Variants in SMOX observed in about 807,000 individuals in gnomAD.
The protein encoded by SMOX is flavin containing amine oxidase.
In SMOX, 22 loss-of-function variants were observed where a neutral mutation model predicts 51.0. The observed-to-expected ratio is 0.43, with a 90% CI of 0.31 to 0.62. The LOEUF (loss-of-function observed/expected upper bound fraction) is 0.62. Ranked by LOEUF, SMOX falls within the 20% of genes least tolerant of loss-of-function variation. The pLI, the probability that SMOX is intolerant of heterozygous loss-of-function variation, is 0.10. For synonymous variants in SMOX, 282 were observed against 307.8 expected, an observed-to-expected ratio of 0.92 and a Z score of 0.88; for missense variants, 566 against 777.7, an observed-to-expected ratio of 0.73 and a Z score of 3.24.
rs774610964 is a variant in SMOX at position 4,182,649 on chromosome 20, C to T, written c.1170C>T (p.Asp390=). The T allele has an allele frequency of 1.8e-5, 29 of 1,613,904 alleles. No individual in the cohort carries two copies. Among genetic ancestry groups the T allele is most frequent in the African/African-American group, 5.3e-5 (4 of 74,874 alleles). Residue 390 remains aspartate, a synonymous_variant, in exon 5 of 7, where the codon GAC becomes GAT. Coordinates refer to ENST00000305958, the MANE Select transcript of SMOX (RefSeq NM_175839.3). This position sits in a 1 kb window ranked among gnomAD's most constrained non-coding sequence, Gnocchi z 8.4. ...ACAGCCTACAGTTTGTGTGGGAGGA[C>T]GAAGCAGAGAGCCACACCCTCACCT... ...ECNSLQFVWE[D]EAESHTLTYP...
Position 4,181,687 on chromosome 20 carries a change from C to A in SMOX, c.436-116C>A. The A allele has an allele frequency of 1.6e-6, 2 of 1,250,900 alleles. No homozygotes were observed. The highest frequency in any genetic ancestry group is 2.2e-6 in the Non-Finnish European group (2 of 892,018). The allele number at this position is 1,250,900 out of a possible 1,614,324, so 77.5% of individuals were successfully genotyped here. A position where few individuals can be genotyped will look rare whatever the true frequency, so the allele number is the denominator to read the frequency against. ...CATCGGATCCCTAAGGGACAGAGAC[C>A]AGGGGCTCAGTGCATCCAGGGGACA... On this transcript the variant is annotated intron_variant, in intron 3 of 6. Coordinates refer to ENST00000305958, the MANE Select transcript of SMOX (RefSeq NM_175839.3). This position sits in a 1 kb window ranked among gnomAD's most constrained non-coding sequence, Gnocchi z 5.6.
At chr20:4,169,940 G>A (rs990486670) in intron 1 of SMOX, among the ~76,000 whole-genome samples, 3 of 152,138 alleles carry the variant, frequency 2.0e-5, no homozygotes, top group African/African-American at 7.2e-5. Context: ...ATGTTTTGGC[G>A]GGGAGTTGTG....
chr20:4,187,548 C>A lies in SMOX; in HGVS notation c.*141C>A. On this transcript the variant is annotated 3_prime_UTR_variant, in exon 7 of 7. Transcript: ENST00000305958. The surrounding 1 kb of genome is among the most constrained non-coding windows in gnomAD (Gnocchi z 4.8). ...GCTAGCCGCCCTGACTGCCTTCAGA[C>A]CTGGCCCTGTAGCTTTTCTTTTTCT... 1.6e-6 allele frequency: 2 copies of A among 1,254,740 alleles called. No homozygotes were observed. The highest frequency in any genetic ancestry group is 2.2e-6 in the Non-Finnish European group (2 of 918,704). The allele number at this position is 1,254,740 out of a possible 1,614,324, so 77.7% of individuals were successfully genotyped here. A position where few individuals can be genotyped will look rare whatever the true frequency, so the allele number is the denominator to read the frequency against.
At position 4,153,920 on chromosome 20, in the gene SMOX, A is replaced by G. The variant is rs1985881040; in HGVS notation, c.-27+4943A>G. Among the ~76,000 whole-genome samples, 1 of 152,168 alleles carries G rather than the reference A, an allele frequency of 6.6e-6. No homozygotes were observed. Among genetic ancestry groups the G allele is most frequent in the Non-Finnish European group, 1.5e-5 (1 of 68,024 alleles). On this transcript the variant is annotated intron_variant, in intron 1 of 6. Transcript: ENST00000305958. The surrounding 1 kb of genome is among the most constrained non-coding windows in gnomAD (Gnocchi z 4.4). ...TTGTTAGCTGTGGTCAGCACCTGGCATCTCCTGTGCCCCAGCCTGGTGTTC... is the reference window on the plus strand; with the variant it reads ...TTGTTAGCTGTGGTCAGCACCTGGCGTCTCCTGTGCCCCAGCCTGGTGTTC...
rs150061281 is a variant in SMOX, at chr20:4,182,782, G to A, written c.1303G>A (p.Val435Ile). The A allele has an allele frequency of 2.2e-4, 355 of 1,613,550 alleles. No individual in the cohort carries two copies. The highest frequency in any genetic ancestry group is 2.8e-4 in the Non-Finnish European group (325 of 1,180,032). ...CTGGATCTGCGGGGAGGAGGCCCTC[G>A]TCATGGAGAAGTGTGATGACGAGGC... ...SGWICGEEAL[V>I]MEKCDDEAVA... Residue 435 changes from valine to isoleucine, a missense_variant, in exon 5 of 7, where the codon GTC (valine) becomes ATC (isoleucine). Val to Ile is a conservative substitution (Grantham distance 29). This residue lies in a region of SMOX where 347 missense variants were observed against 481.8 expected (regional missense o/e 0.72). Coordinates refer to ENST00000305958, the MANE Select transcript of SMOX (RefSeq NM_175839.3). This position sits in a 1 kb window ranked among gnomAD's most constrained non-coding sequence, Gnocchi z 8.4.
intron 2 of SMOX, among the ~76,000 whole-genome samples, chr20:4,175,486 C>T (rs955723523): frequency 6.6e-6 from 1 of 152,224 alleles, no homozygotes; most frequent in Non-Finnish European, 1.5e-5. Flanking sequence ...TGGCTTGCTT[C>T]TGACCTAGTG....
At chr20:4,156,190 T>C (rs1741302) in intron 1 of SMOX, among the ~76,000 whole-genome samples, 71,309 of 152,002 alleles carry the variant, frequency 0.47, 16,989 homozygotes, top group Admixed American at 0.53. Context: ...CTGTTTAGTG[T>C]TTCCCAGCCT....
chr20:4,173,888 T>C (rs887257776), intron 1 of SMOX, among the ~76,000 whole-genome samples: 1 of 152,262 alleles, frequency 6.6e-6, no homozygotes, highest in African/African-American at 2.4e-5. Context: ...AAAAGCAGCC[T>C]CTCCTAGCCC....
chr20:4,165,884 C>T (rs188310272), intron 1 of SMOX, among the ~76,000 whole-genome samples: 90 of 152,300 alleles, frequency 5.9e-4, no homozygotes, highest in Non-Finnish European at 1.8e-4. Flanking sequence ...AGCTTGCCTA[C>T]CTCTGCAAGA....
At chr20:4,157,731 A>G (rs1300532365) in intron 1 of SMOX, among the ~76,000 whole-genome samples, 1 of 151,910 alleles carries the variant, frequency 6.6e-6, no homozygotes, top group Non-Finnish European at 1.5e-5. Flanking sequence ...GTGCCCCTTC[A>G]TGGACATGAA....
chr20:4,156,752 C>CT (rs919005498), intron 1 of SMOX, among the ~76,000 whole-genome samples: 5 of 151,936 alleles, frequency 3.3e-5, no homozygotes, highest in Admixed American at 6.6e-5. Context: ...GATTCTTTTT[C>CT]TTTTTTTTGA....
Position 4,172,742 on chromosome 20 carries a change from G to T in SMOX, c.-26-2288G>T, listed in dbSNP as rs1215641597. On this transcript the variant is annotated intron_variant, in intron 1 of 6. Transcript: ENST00000305958. This position sits in a 1 kb window ranked among gnomAD's most constrained non-coding sequence, Gnocchi z 7.7. ...GCCCTTTTGGGAACCGATTCTGCAC[G>T]GAGTTGGCGGGCCTGGGTCTCAGGG... 6.6e-6 allele frequency among the ~76,000 whole-genome samples: 1 copy of T among 150,764 alleles called. No homozygotes were observed. The highest frequency in any genetic ancestry group is 2.4e-5 in the African/African-American group (1 of 40,860).
chr20:4,167,864 C>T lies in SMOX; in HGVS notation c.-26-7166C>T, dbSNP rs1986634467. ...TGGCTGGGAGGAGTTGGGGCCCAGC[C>T]CCTCCCTGGTTGAGGGGTGGGAGGA... On this transcript the variant is annotated intron_variant, in intron 1 of 6. Coordinates refer to ENST00000305958, the MANE Select transcript of SMOX (RefSeq NM_175839.3). This position sits in a 1 kb window ranked among gnomAD's most constrained non-coding sequence, Gnocchi z 4.8. Among the ~76,000 whole-genome samples, 2 of 152,008 alleles carry T rather than the reference C, an allele frequency of 1.3e-5. No individual in the cohort carries two copies. The highest frequency in any genetic ancestry group is 4.1e-4 in the South Asian group (2 of 4,826).
chr20:4,169,848 C>T (rs952201356), intron 1 of SMOX, among the ~76,000 whole-genome samples: 3 of 152,072 alleles, frequency 2.0e-5, no homozygotes, highest in Non-Finnish European at 2.9e-5. Context: ...GATGTGTATG[C>T]GGGAGGCTGT....
chr20:4,169,477 C>T (rs1438751566), intron 1 of SMOX, among the ~76,000 whole-genome samples: 1 of 152,184 alleles, frequency 6.6e-6, no homozygotes, highest in Non-Finnish European at 1.5e-5. Flanking sequence ...AGAAAGGGCA[C>T]TGCACACCCA....
chr20:4,157,439 C>T (rs1477926126), intron 1 of SMOX, among the ~76,000 whole-genome samples: 1 of 152,134 alleles, frequency 6.6e-6, no homozygotes, highest in Non-Finnish European at 1.5e-5. Context: ...GTGTGGGTAG[C>T]TAGCAGGACT....
intron 1 of SMOX, among the ~76,000 whole-genome samples, chr20:4,158,403 G>C (rs1259965241): frequency 6.6e-6 from 1 of 152,144 alleles, no homozygotes; most frequent in Non-Finnish European, 1.5e-5. Flanking sequence ...TCTGGGGCTG[G>C]GAGGTTGGAG....
chr20:4,174,662 G>A (rs1978686855), intron 1 of SMOX, among the ~76,000 whole-genome samples: 2 of 152,176 alleles, frequency 1.3e-5, no homozygotes, highest in South Asian at 4.1e-4. Context: ...GGGGCCTGTG[G>A]TCAGGGAAGA....
rs1281110233 is a variant in SMOX, at chr20:4,177,619, G to C, written c.435+42G>C. ...GTAGCTGGGCGTAAGGGCATGGGGA[G>C]ACCTGGGAGGTCTGTGATTCTGGTC... is the stretch of plus-strand genomic sequence containing the variant. On this transcript the variant is annotated intron_variant, in intron 3 of 6. Transcript: ENST00000305958. This position sits in a 1 kb window ranked among gnomAD's most constrained non-coding sequence, Gnocchi z 4.3. 2 of 1,534,506 alleles carry C rather than the reference G, an allele frequency of 1.3e-6. No individual in the cohort carries two copies. The highest frequency in any genetic ancestry group is 1.4e-5 in the African/African-American group (1 of 73,188).
Sources: allele counts gnomAD v4.1 joint callset (sites outside exome capture counted in the v4.1 genomes callset), GRCh38; gene constraint gnomAD v4.1.1; regional missense constraint gnomAD v4.1.1; non-coding constraint Gnocchi (gnomAD v3.1); transcripts MANE v1.5; gene names NCBI Gene and HGNC (gene_info 2026-07-23, HGNC 2026-07-21).